The following C5 variants were observed in gnomAD, a reference collection of about 807,000 sequenced individuals.
The protein encoded by C5 is complement C5, also known as C3 and PZP-like alpha-2-macroglobulin domain-containing protein 4.
Under a neutral mutation model 218.8 loss-of-function variants are expected in C5, and 140 were observed. That is an observed-to-expected ratio of 0.64 (90% CI 0.56 to 0.74). The LOEUF (loss-of-function observed/expected upper bound fraction) is 0.74. Ranked by LOEUF, C5 falls within the 30% of genes least tolerant of loss-of-function variation. The pLI is 0.00. For missense variants in C5, 1,700 were observed against 1,969.6 expected, an observed-to-expected ratio of 0.86 and a Z score of 2.59; for synonymous variants, 614 against 682.3, an observed-to-expected ratio of 0.90 and a Z score of 1.56.
intron 26 of C5, 104 bp downstream of exon 26, chr9:120,982,551 G>T: frequency 2.1e-6 from 2 of 960,992 alleles, no homozygotes; most frequent in Non-Finnish European, 3.2e-6. Context: ...ATTTCTTGCA[G>T]AATTACATTT....
At chr9:121,020,485 T>A (rs1273374004) in intron 11 of C5, among the ~76,000 whole-genome samples, 2 of 152,192 alleles carry the variant, frequency 1.3e-5, no homozygotes, top group Non-Finnish European at 2.9e-5. Context: ...TTGGGACTTC[T>A]CCTCGCATGG....
chr9:120,956,888 G>C (rs1185357499), intron 39 of C5: 1 of 277,834 alleles, frequency 3.6e-6, no homozygotes, highest in African/African-American at 2.2e-5. Flanking sequence ...TGAGGGTAGA[G>C]GGTGAGGATT....
At chr9:120,958,239 G>A (rs2046800566) in intron 38 of C5, among the ~76,000 whole-genome samples, 1 of 152,322 alleles carries the variant, frequency 6.6e-6, no homozygotes, top group Admixed American at 6.5e-5. Context: ...AGATTCATAA[G>A]TCTTTATAAT....
chr9:120,963,840 T>C, intron 33 of C5, 102 bp from the exon 34 acceptor site: 1 of 847,930 alleles, frequency 1.2e-6, no homozygotes, highest in Non-Finnish European at 1.9e-6. Flanking sequence ...AATTTGGGTC[T>C]CCATTTATTT....
At chr9:121,022,443 C>T (rs1441592114) in intron 10 of C5, among the ~76,000 whole-genome samples, 1 of 148,156 alleles carries the variant, frequency 6.7e-6, no homozygotes, top group African/African-American at 2.5e-5. Context: ...ACTGTATATG[C>T]ATTATATGAT....
rs1404026174 is a variant in C5, at chr9:121,021,694, C to T, written c.1117G>A (p.Val373Met). ...LKPGIPYPIK[V>M]QVKDSLDQLV... ...TGGTCAAGCGAATCTTTAACCTGCA[C>T]CTGTTTGTCAAAACAATCCAAATCT... The change falls in exon 11 of 41, where the codon GTG (valine) becomes ATG (methionine). Residue 373 changes from valine (V) to methionine (M), a missense_variant and splice_region_variant. By Grantham distance (21) the Val-to-Met change is conservative. Transcript: ENST00000223642. 1.9e-6 allele frequency: 3 copies of T among 1,612,478 alleles called. No homozygotes were observed. The highest frequency in any genetic ancestry group is 2.2e-5 in the East Asian group (1 of 44,864).
At chr9:120,969,184 AC>A in intron 32 of C5, 66 bp from the exon 33 acceptor site, 1 of 1,246,738 alleles carries the variant, frequency 8.0e-7, no homozygotes, top group South Asian at 1.2e-5. Context: ...CTGCTTTGGA[AC>A]CTGTCAGAAC....
upstream of C5, among the ~76,000 whole-genome samples, chr9:121,052,272 C>T (rs1161773506): frequency 1.3e-5 from 2 of 151,918 alleles, no homozygotes; most frequent in Middle Eastern, 3.2e-3. Flanking sequence ...GCCTGGCCAA[C>T]ATGGCGAAAA....
At chr9:120,996,178 C>T (rs1016303476) in intron 22 of C5, 62 bp downstream of exon 22, 30 of 1,227,508 alleles carry the variant, frequency 2.4e-5, no homozygotes, top group Middle Eastern at 1.9e-4. Flanking sequence ...TTTTAAGTTA[C>T]ATACACACTT....
intron 20 of C5, among the ~76,000 whole-genome samples, chr9:121,003,471 GA>G (rs2047189261): frequency 6.6e-6 from 1 of 151,952 alleles, no homozygotes; most frequent in Admixed American, 6.6e-5. Flanking sequence ...TTAAAATTGT[GA>G]AAAAAAGAGT....
chr9:121,025,819 T>G, intron 8 of C5: 1 of 402,950 alleles, frequency 2.5e-6, no homozygotes, highest in Non-Finnish European at 4.6e-6. Context: ...CAGGTCTTTT[T>G]GGTAATAGCT....
chr9:121,014,106 CAG>C (rs2047286665), intron 16 of C5, 36 bp from the exon 17 acceptor site: 3 of 1,571,052 alleles, frequency 1.9e-6, no homozygotes, highest in African/African-American at 1.3e-5. Flanking sequence ...CTTGATGACG[CAG>C]AGTGATAACA....
intron 25 of C5, among the ~76,000 whole-genome samples, chr9:120,983,620 G>A (rs1033267556): frequency 2.0e-5 from 3 of 152,074 alleles, no homozygotes; most frequent in African/African-American, 7.2e-5. Flanking sequence ...AGTGAAGCCT[G>A]GGCGTCATAG....
chr9:120,961,738 G>A (rs944787509), intron 36 of C5, among the ~76,000 whole-genome samples, 173 bp from the exon 37 acceptor site: 77 of 152,202 alleles, frequency 5.1e-4, no homozygotes, highest in African/African-American at 1.7e-3. Flanking sequence ...GAAGGGTTCC[G>A]CTACCCTCAG....
At chr9:121,006,199 T>C (rs2047214453) in intron 19 of C5, 141 bp from the exon 20 acceptor site, 12 of 739,982 alleles carry the variant, frequency 1.6e-5, no homozygotes, top group South Asian at 3.6e-5. Flanking sequence ...TCTCAACTCA[T>C]GTCCTTGAAT....
At chr9:121,058,600 G>A in the C5 span, among the ~76,000 whole-genome samples, 1 of 151,998 alleles carries the variant, frequency 6.6e-6, no homozygotes, top group African/African-American at 2.4e-5. Context: ...CACCATGCCT[G>A]GCTAATTTTT....
rs148404426 is a variant in C5, at chr9:120,958,888, C to T, written c.4678+1360G>A. On this transcript the variant is annotated intron_variant, in intron 38 of 40. Transcript: ENST00000223642. ...GCAATCTCCACCTCCCAGGCTCAAGCGATCCTCCTACCTCAGCTTCCCAAG... is the reference window on the plus strand; with the variant it reads ...GCAATCTCCACCTCCCAGGCTCAAGTGATCCTCCTACCTCAGCTTCCCAAG... 6.0e-3 allele frequency among the ~76,000 whole-genome samples: 915 copies of T among 152,230 alleles called. 4 individuals are homozygous for T. The highest frequency in any genetic ancestry group is 9.5e-3 in the Non-Finnish European group (648 of 68,014).
chr9:121,022,267 C>A (rs1475009973), intron 10 of C5, among the ~76,000 whole-genome samples: 1 of 150,284 alleles, frequency 6.7e-6, no homozygotes, highest in Non-Finnish European at 1.5e-5. Context: ...ATAGATACAC[C>A]TTTTTTCCTT....
chr9:121,034,974 C>A (rs570991012), intron 4 of C5, 80 bp from the exon 5 acceptor site: 5 of 692,034 alleles, frequency 7.2e-6, no homozygotes, highest in South Asian at 1.7e-5. Flanking sequence ...CTTTGATGTA[C>A]AAAATATTTA....
Sources: gnomAD v4.1 joint callset for allele counts (sites outside exome capture counted in the v4.1 genomes callset) on GRCh38, gnomAD v4.1.1 for gene constraint, MANE v1.5 for transcripts, NCBI Gene and HGNC (gene_info 2026-07-23, HGNC 2026-07-21) for gene names.